The following CDS2 variants were observed in gnomAD, a reference collection of about 807,000 sequenced individuals.
CDS2 encodes the protein phosphatidate cytidylyltransferase 2.
A neutral mutation model predicts 59.0 loss-of-function variants in CDS2; 47 were observed. The ratio of observed to expected loss-of-function variants is 0.80; its 90% CI spans 0.63 to 1.02. The LOEUF (loss-of-function observed/expected upper bound fraction) is 1.02. Ranked by LOEUF, CDS2 falls within the 50% of genes least tolerant of loss-of-function variation. CDS2 has a pLI of 0.00. For synonymous variants in CDS2, 207 were observed against 206.4 expected, an observed-to-expected ratio of 1.00 and a Z score of -0.02; for missense variants, 356 against 558.9, an observed-to-expected ratio of 0.64 and a Z score of 3.66.
intron 9 of CDS2, 99 bp downstream of exon 9, chr20:5,185,925 A>G (rs1460250761): frequency 2.6e-6 from 3 of 1,157,378 alleles, no homozygotes; most frequent in Non-Finnish European, 1.3e-6. Flanking sequence ...TTTGGAGGCC[A>G]GGACTGTCCT....
rs2091161760 is a variant in CDS2 at position 5,196,907 on chromosome 20, T to C, written c.*6673T>C. ...AAGTCAGGGATTAGGAGACAGCGGT[T>C]TGGTTTATTGTTATCCAGCTGGAGG... is the stretch of plus-strand genomic sequence containing the variant. On this transcript the variant is annotated 3_prime_UTR_variant, in exon 13 of 13. Transcript: ENST00000460006. 2 of 152,308 alleles carry C rather than the reference T, an allele frequency of 1.3e-5. No homozygotes were observed. Among genetic ancestry groups the C allele is most frequent in the Non-Finnish European group, 2.9e-5 (2 of 68,032 alleles). The allele number at this position is 152,308 out of a possible 1,614,324, so 9.4% of individuals were successfully genotyped here. A position where few individuals can be genotyped will look rare whatever the true frequency, so the allele number is the denominator to read the frequency against.
In CDS2 at chr20:5,172,159, T is replaced by C. The variant is rs115831114; in HGVS notation, c.58-1364T>C. 6.1e-3 allele frequency among the ~76,000 whole-genome samples: 928 copies of C among 152,268 alleles called. 11 individuals carry two copies. The highest frequency in any genetic ancestry group is 0.021 in the African/African-American group (886 of 41,538). ...TTAGTAAGTGTTTTGCTGTGTGCCG[T>C]GCATGGGGATAATGAGAACAAGAAG... On this transcript the variant is annotated intron_variant, in intron 1 of 12. Coordinates refer to ENST00000460006, the MANE Select transcript of CDS2 (RefSeq NM_003818.4).
At chr20:5,163,948 G>C (rs1389239830) in intron 1 of CDS2, among the ~76,000 whole-genome samples, 1 of 151,802 alleles carries the variant, frequency 6.6e-6, no homozygotes, top group South Asian at 2.1e-4. Flanking sequence ...CCACCACCAC[G>C]CCTGGATAAT....
Position 5,190,243 on chromosome 20 carries a change from C to T in CDS2, c.*9C>T, listed in dbSNP as rs1361149421. 4 of 1,612,122 alleles carry T rather than the reference C, an allele frequency of 2.5e-6. No homozygotes were observed. The highest frequency in any genetic ancestry group is 1.1e-5 in the South Asian group (1 of 90,748). ...CCACAGAGGACGAGTAGGGGCCACC[C>T]AGGGCCAGGAGAACAGGAACAGAAC... On this transcript the variant is annotated 3_prime_UTR_variant, in exon 13 of 13. Transcript: ENST00000460006.
In CDS2 at chr20:5,159,451, A is replaced by T. The variant is rs2090859831; in HGVS notation, c.58-14072A>T. ...TTCATTTGAAGATGAAATTATGTTA[A>T]AATTTTATAGTTCAGTAATTTAAAA... On this transcript the variant is annotated intron_variant, in intron 1 of 12. Transcript: ENST00000460006. Among the ~76,000 whole-genome samples the T allele has an allele frequency of 2.6e-5, 4 of 152,088 alleles. No individual in the cohort carries two copies. In the South Asian group the frequency reaches 8.3e-4, roughly 32 times the overall value.
At chr20:5,162,466 T>C (rs1287420203) in intron 1 of CDS2, among the ~76,000 whole-genome samples, 2 of 152,138 alleles carry the variant, frequency 1.3e-5, no homozygotes, top group African/African-American at 4.8e-5. Context: ...TGTCAACTGA[T>C]TGACTAGGCA....
intron 1 of CDS2, among the ~76,000 whole-genome samples, chr20:5,164,274 A>G (rs763942607): frequency 1.3e-5 from 2 of 152,160 alleles, no homozygotes; most frequent in African/African-American, 4.8e-5. Context: ...TAATGTTCCA[A>G]TATGGTAAAC....
Position 5,190,274 on chromosome 20 carries a change from A to C in CDS2, c.*40A>C. 1 of 1,581,296 alleles carries C rather than the reference A, an allele frequency of 6.3e-7. No homozygotes were observed. The highest frequency in any genetic ancestry group is 8.6e-7 in the Non-Finnish European group (1 of 1,157,904). On this transcript the variant is annotated 3_prime_UTR_variant, in exon 13 of 13. Coordinates refer to ENST00000460006, the MANE Select transcript of CDS2 (RefSeq NM_003818.4). The stretch of plus-strand genomic sequence containing the variant: ...CAGGAGAACAGGAACAGAACTGAGC[A>C]GGGGCAGGTCTCCAAGGCAAGCCCA...
At chr20:5,153,215 C>T (rs2090806395) in intron 1 of CDS2, among the ~76,000 whole-genome samples, 2 of 152,114 alleles carry the variant, frequency 1.3e-5, no homozygotes, top group Admixed American at 6.5e-5. Context: ...GTGATATATT[C>T]GGAAGTTTTC....
intron 1 of CDS2, among the ~76,000 whole-genome samples, chr20:5,137,175 G>A (rs867539864): frequency 6.6e-6 from 1 of 150,944 alleles, no homozygotes; most frequent in South Asian, 2.1e-4. Flanking sequence ...GTGCCTCTGT[G>A]TCATGGATCT....
In CDS2 at chr20:5,172,212, C is replaced by T. The variant is rs144575782; in HGVS notation, c.58-1311C>T. ...ATGTTCTTGTCTTTAAGGAGTTTGT[C>T]GTCAGCCAAGGAGACATTTACAAAA... On this transcript the variant is annotated intron_variant, in intron 1 of 12. Coordinates refer to ENST00000460006, the MANE Select transcript of CDS2 (RefSeq NM_003818.4). 2.1e-3 allele frequency among the ~76,000 whole-genome samples: 315 copies of T among 152,188 alleles called. 1 individual carries two copies. Among genetic ancestry groups the T allele is most frequent in the African/African-American group, 6.5e-3 (268 of 41,502 alleles).
In CDS2 at chr20:5,127,136, C is replaced by T; in HGVS notation, c.44C>T (p.Pro15Leu). ...RQRVAHEPVA[P>L]PEDKESESEA... is the part of the protein sequence containing the mutation. ...AGGGTGGCCCATGAGCCGGTTGCGC[C>T]ACCCGAGGACAAGGTAGCGGCAGCG... The change falls in exon 1 of 13, where the codon CCA becomes CTA. Residue 15 changes from proline to leucine, a missense_variant. By Grantham distance (98) the Pro-to-Leu change is moderately conservative. This residue lies in a region of CDS2 where 107 missense variants were observed against 129.7 expected (regional missense o/e 0.82). Transcript: ENST00000460006. The T allele has an allele frequency of 6.7e-7, 1 of 1,494,860 alleles. No homozygotes were observed. Among genetic ancestry groups the T allele is most frequent in the Non-Finnish European group, 8.9e-7 (1 of 1,121,116 alleles). 92.6% of individuals were successfully genotyped at this position (1,494,860 alleles called of 1,614,324 possible).
chr20:5,161,682 T>A (rs2090877739), intron 1 of CDS2, among the ~76,000 whole-genome samples: 1 of 152,266 alleles, frequency 6.6e-6, no homozygotes. Flanking sequence ...ATTTACCTAA[T>A]AATTTTTCCT....
rs1196622142 is a variant in CDS2 at position 5,191,786 on chromosome 20, T to C, written c.*1552T>C. ...AAGCGGCTTCTTTCCGCTGAACTTT[T>C]ATTTCCATTTCAGCCTCGTGGCTTC... On this transcript the variant is annotated 3_prime_UTR_variant, in exon 13 of 13. Transcript: ENST00000460006. 6.6e-6 allele frequency: 1 copy of C among 152,246 alleles called. No individual in the cohort carries two copies. Among genetic ancestry groups the C allele is most frequent in the African/African-American group, 2.4e-5 (1 of 41,460 alleles). The allele number at this position is 152,246 out of a possible 1,614,324, so 9.4% of individuals were successfully genotyped here. A position where few individuals can be genotyped will look rare whatever the true frequency, so the allele number is the denominator to read the frequency against.
At chr20:5,146,912 C>CT (rs1568531105) in intron 1 of CDS2, among the ~76,000 whole-genome samples, 2 of 152,166 alleles carry the variant, frequency 1.3e-5, no homozygotes, top group Non-Finnish European at 2.9e-5. Flanking sequence ...GCTTCTATCT[C>CT]TAGTATAGGA....
At chr20:5,135,754 A>G (rs1478367841) in intron 1 of CDS2, among the ~76,000 whole-genome samples, 2 of 152,160 alleles carry the variant, frequency 1.3e-5, no homozygotes, top group African/African-American at 2.4e-5. Flanking sequence ...TTTTGAAGAA[A>G]GTTAAACTTT....
At position 5,189,100 on chromosome 20, in the gene CDS2, A is replaced by G; in HGVS notation, c.1015A>G (p.Ser339Gly). 1 of 1,614,190 alleles carries G rather than the reference A, an allele frequency of 6.2e-7. No homozygotes were observed. The highest frequency in any genetic ancestry group is 8.5e-7 in the Non-Finnish European group (1 of 1,180,010). Reference protein sequence around the residue: ...TVRMYPFQIHSIALSTFASLI... With the variant: ...TVRMYPFQIHGIALSTFASLI... Reference sequence around the variant, plus strand: ...CCGGATGTACCCCTTCCAGATTCACAGCATCGCTCTCTCCACCTTTGCCTC... The same window carrying G: ...CCGGATGTACCCCTTCCAGATTCACGGCATCGCTCTCTCCACCTTTGCCTC... Residue 339 changes from serine (S) to glycine (G), a missense_variant, in exon 11 of 13, where the codon AGC becomes GGC. Physicochemically the swap from Ser to Gly is moderately conservative, Grantham distance 56. This residue lies in a region of CDS2 where 88 missense variants were observed against 103.6 expected (regional missense o/e 0.85). Coordinates refer to ENST00000460006, the MANE Select transcript of CDS2 (RefSeq NM_003818.4).
Position 5,190,268 on chromosome 20 carries a change from C to T in CDS2, c.*34C>T, listed in dbSNP as rs760242299. ...CAGGGCCAGGAGAACAGGAACAGAA[C>T]TGAGCAGGGGCAGGTCTCCAAGGCA... On this transcript the variant is annotated 3_prime_UTR_variant, in exon 13 of 13. Transcript: ENST00000460006. 1.3e-5 allele frequency: 21 copies of T among 1,598,196 alleles called. No homozygotes were observed. In the South Asian group the frequency reaches 2.3e-4, roughly 18 times the overall value.
At chr20:5,169,106 C>T (rs1250146459) in intron 1 of CDS2, among the ~76,000 whole-genome samples, 1 of 152,232 alleles carries the variant, frequency 6.6e-6, no homozygotes. Context: ...AAGCAGCACT[C>T]TTGTTTCCTG....
Sources: gnomAD v4.1 joint callset for allele counts (sites outside exome capture counted in the v4.1 genomes callset) on GRCh38, gnomAD v4.1.1 for gene constraint, gnomAD v4.1.1 regional missense constraint, MANE v1.5 for transcripts, NCBI Gene and HGNC (gene_info 2026-07-23, HGNC 2026-07-21) for gene names.